The following CATSPERB variants were observed in gnomAD, a reference collection of about 807,000 sequenced individuals.
CATSPERB encodes the protein cation channel sperm-associated auxiliary subunit beta.
In CATSPERB, 93 loss-of-function variants were observed where a neutral mutation model predicts 128.3. The ratio of observed to expected loss-of-function variants is 0.72; its 90% CI spans 0.61 to 0.86. The LOEUF (loss-of-function observed/expected upper bound fraction) is 0.86, where lower values mean the gene tolerates loss of function less well. Ranked by LOEUF, CATSPERB falls within the 40% of genes least tolerant of loss-of-function variation. The probability of loss-of-function intolerance (pLI) is 0.00; values close to 1 mark genes in which losing one functional copy is unlikely to be tolerated. For missense variants in CATSPERB, 1,153 were observed against 1,329.5 expected (o/e 0.87, Z 2.06); for synonymous variants, 381 against 448.8 (o/e 0.85, Z 1.91).
chr14:91,612,681 G>A (rs1481523822), intron 20 of CATSPERB, among the ~76,000 whole-genome samples: 2 of 152,136 alleles, frequency 1.3e-5, no homozygotes, highest in African/African-American at 2.4e-5. Context: ...GATATAGTAG[G>A]TTCTGGTAGT....
At chr14:91,596,926 A>C (rs1027367692) in intron 22 of CATSPERB, among the ~76,000 whole-genome samples, 12 of 151,204 alleles carry the variant, frequency 7.9e-5, no homozygotes, top group Non-Finnish European at 1.8e-4. Context: ...TCGCACTGTC[A>C]CCCAGGCTGG....
chr14:91,621,916 T>A lies in CATSPERB; in HGVS notation c.1952A>T (p.Asp651Val). ...DSQVVQALFE[D>V]TDIEKTVVLP... ...CACTACAGTCTTCTCTATATCTGTA[T>A]CTTCAAACAAGGCCTGAACAACTGG... The change falls in exon 19 of 27, where the codon GAT becomes GTT. Residue 651 changes from aspartate to valine, a missense_variant. Asp to Val is a radical substitution (Grantham distance 152). Transcript: ENST00000256343. 6.2e-7 allele frequency: 1 copy of A among 1,601,842 alleles called. No homozygotes were observed. The highest frequency in any genetic ancestry group is 1.1e-5 in the South Asian group (1 of 89,576).
intron 26 of CATSPERB, among the ~76,000 whole-genome samples, chr14:91,583,255 T>A (rs1480073127): frequency 6.6e-6 from 1 of 152,050 alleles, no homozygotes; most frequent in East Asian, 1.9e-4. Flanking sequence ...CATCTCTACC[T>A]AAAATACAAA....
chr14:91,596,591 TA>T (rs1448020025), intron 22 of CATSPERB, among the ~76,000 whole-genome samples: 2 of 152,202 alleles, frequency 1.3e-5, no homozygotes, highest in Non-Finnish European at 2.9e-5. Context: ...TAGCCATAGT[TA>T]AAAGACACAA....
intron 13 of CATSPERB, 131 bp downstream of exon 13, chr14:91,672,736 A>T (rs777002133): frequency 3.0e-5 from 20 of 664,604 alleles, no homozygotes; most frequent in Non-Finnish European, 4.8e-5. Flanking sequence ...ATTGATTTTA[A>T]ATAATTTTGC....
At chr14:91,617,231 T>C (rs542159484) in intron 20 of CATSPERB, among the ~76,000 whole-genome samples, 1 of 152,338 alleles carries the variant, frequency 6.6e-6, no homozygotes, top group African/African-American at 2.4e-5. Context: ...TTGAACCTAT[T>C]AAATTGCCAA....
At chr14:91,583,367 C>T (rs145318999) in intron 26 of CATSPERB, among the ~76,000 whole-genome samples, 4,533 of 152,010 alleles carry the variant, frequency 0.03, 211 homozygotes, top group African/African-American at 0.1. Flanking sequence ...TGCAGTGAGC[C>T]GAGATCGTGC....
At chr14:91,691,914 C>T (rs577479220) in intron 9 of CATSPERB, among the ~76,000 whole-genome samples, 206 of 152,232 alleles carry the variant, frequency 1.4e-3, no homozygotes, top group South Asian at 6.7e-3. Flanking sequence ...CACGGTGGCT[C>T]ACACCTGTAA....
chr14:91,611,284 G>A (rs553061878), intron 20 of CATSPERB, among the ~76,000 whole-genome samples: 28 of 152,218 alleles, frequency 1.8e-4, no homozygotes, highest in African/African-American at 5.8e-4. Flanking sequence ...TAATTGGTTC[G>A]GGGAAGTATT....
chr14:91,715,859 G>A (rs961588625), intron 5 of CATSPERB, among the ~76,000 whole-genome samples: 47 of 152,052 alleles, frequency 3.1e-4, no homozygotes, highest in African/African-American at 1.0e-3. Context: ...TTTTCACAAT[G>A]GTACTGGAAT....
intron 14 of CATSPERB, among the ~76,000 whole-genome samples, chr14:91,664,456 G>A (rs1175580265): frequency 6.6e-6 from 1 of 151,890 alleles, no homozygotes; most frequent in African/African-American, 2.4e-5. Context: ...AGTAGAGACA[G>A]GGTTTCACCA....
intron 5 of CATSPERB, 101 bp downstream of exon 5, chr14:91,719,317 A>G (rs1895991801): frequency 1.3e-6 from 1 of 786,946 alleles, no homozygotes; most frequent in South Asian, 2.5e-5. Flanking sequence ...GGGGATTTAC[A>G]TGACATAACA....
intron 12 of CATSPERB, among the ~76,000 whole-genome samples, 189 bp from the exon 13 acceptor site, chr14:91,673,205 T>G (rs1163312026): frequency 7.8e-6 from 1 of 128,602 alleles, no homozygotes; most frequent in Non-Finnish European, 1.7e-5. Context: ...AACGTTTTTC[T>G]CATCTGAATT....
intron 5 of CATSPERB, among the ~76,000 whole-genome samples, chr14:91,716,712 T>TACACGC (rs1555365153): frequency 4.2e-4 from 58 of 137,630 alleles, no homozygotes; most frequent in African/African-American, 1.5e-3. Context: ...TTTACAAGCA[T>TACACGC]ACACACACAC....
chr14:91,691,455 A>G, intron 10 of CATSPERB, 68 bp downstream of exon 10: 16 of 938,122 alleles, frequency 1.7e-5, no homozygotes, highest in East Asian at 2.6e-5. Flanking sequence ...ATTGTCTTGC[A>G]TCTCATCTCA....
Position 91,639,202 on chromosome 14 carries a change from G to A in CATSPERB, c.1481C>T (p.Thr494Ile). The A allele has an allele frequency of 1.2e-6, 2 of 1,613,802 alleles. No individual in the cohort carries two copies. The highest frequency in any genetic ancestry group is 2.2e-5 in the South Asian group (2 of 91,066). Residue 494 changes from threonine (T) to isoleucine (I), a missense_variant, in exon 16 of 27, where the codon ACA (threonine) becomes ATA (isoleucine). Transcript: ENST00000256343. The part of the protein sequence containing the change: ...AVGSVTERIF[T>I]LYYDHLGFLH... ...GAATCCCAAGTGATCATAGTATAATGTGAAAATTCTCTCAGTAACACTTCC... is the reference window on the plus strand; with the variant it reads ...GAATCCCAAGTGATCATAGTATAATATGAAAATTCTCTCAGTAACACTTCC...
At chr14:91,722,309 T>C (rs1333420165) in intron 4 of CATSPERB, among the ~76,000 whole-genome samples, 1 of 152,196 alleles carries the variant, frequency 6.6e-6, no homozygotes, top group Non-Finnish European at 1.5e-5. Context: ...AACTGATAAA[T>C]GGATAAACAA....
chr14:91,720,300 C>A (rs1021472084), intron 4 of CATSPERB, among the ~76,000 whole-genome samples: 17 of 151,000 alleles, frequency 1.1e-4, no homozygotes, highest in Admixed American at 1.1e-3. Context: ...TGAAGTCAAC[C>A]AGAAATTTTA....
intron 6 of CATSPERB, 89 bp downstream of exon 6, chr14:91,708,052 C>T: frequency 1.2e-6 from 1 of 836,966 alleles, no homozygotes. Context: ...ATCTCTAGGA[C>T]CTTAGCACAG....
Sources: gnomAD v4.1 joint callset for allele counts (sites outside exome capture counted in the v4.1 genomes callset) on GRCh38, gnomAD v4.1.1 for gene constraint, MANE v1.5 for transcripts, NCBI Gene and HGNC (gene_info 2026-07-23, HGNC 2026-07-21) for gene names.